Variants in SYNE1 observed in about 807,000 individuals in gnomAD.
SYNE1 encodes the protein spectrin repeat containing nuclear envelope protein 1.
A neutral mutation model predicts 1,111.0 loss-of-function variants in SYNE1; 616 were observed. The ratio of observed to expected loss-of-function variants is 0.55; its 90% CI spans 0.52 to 0.59. The LOEUF (loss-of-function observed/expected upper bound fraction) is 0.59, where lower values mean the gene tolerates loss of function less well. Among genes scored for constraint, SYNE1 ranks in the 20% least tolerant of loss-of-function variants. The pLI is 0.00. For missense variants in SYNE1, 10,006 were observed against 10,417.0 expected, an observed-to-expected ratio of 0.96 and a Z score of 1.72; for synonymous variants, 3,855 against 3,825.8, an observed-to-expected ratio of 1.01 and a Z score of -0.28.
intron 140 of SYNE1, among the ~76,000 whole-genome samples, chr6:152,138,425 C>T (rs530569257): frequency 5.1e-4 from 77 of 151,880 alleles, no homozygotes; most frequent in African/African-American, 1.6e-3. Context: ...GCAGGAGAAA[C>T]GCTTGAACAC....
At chr6:152,348,411 G>A (rs891408270) in intron 72 of SYNE1, among the ~76,000 whole-genome samples, 5 of 152,146 alleles carry the variant, frequency 3.3e-5, no homozygotes, top group Non-Finnish European at 5.9e-5. Flanking sequence ...CTGGCCAGAC[G>A]CGGTGGCTCA....
intron 3 of SYNE1, 26 bp downstream of exon 3, chr6:152,628,239 T>C: frequency 6.2e-7 from 1 of 1,613,650 alleles, no homozygotes; most frequent in Non-Finnish European, 8.5e-7. Flanking sequence ...TGAATTTTTT[T>C]AAAACCTGAA....
chr6:152,538,108 T>TAA (rs1217619469), intron 4 of SYNE1, among the ~76,000 whole-genome samples: 4 of 152,158 alleles, frequency 2.6e-5, no homozygotes, highest in African/African-American at 7.2e-5. Context: ...AAGGGTGTTT[T>TAA]AATAGTGCAA....
intron 101 of SYNE1, among the ~76,000 whole-genome samples, chr6:152,261,557 C>A (rs769040964): frequency 1.2e-4 from 18 of 152,140 alleles, no homozygotes; most frequent in Non-Finnish European, 2.4e-4. Context: ...CACTTCCCTG[C>A]CCTAGACCCA....
chr6:152,221,596 G>T (rs1478040504), intron 117 of SYNE1, 37 bp from the exon 118 acceptor site: 2 of 1,612,660 alleles, frequency 1.2e-6, no homozygotes, highest in Non-Finnish European at 1.7e-6. Context: ...GACATAACAG[G>T]ATCTAAATTC....
At chr6:152,518,139 A>G (rs2099121563) in intron 6 of SYNE1, among the ~76,000 whole-genome samples, 2 of 151,362 alleles carry the variant, frequency 1.3e-5, no homozygotes, top group African/African-American at 4.9e-5. Flanking sequence ...GTAATGCTAA[A>G]GACAAAAAGA....
At chr6:152,541,190 C>A (rs920224230) in intron 3 of SYNE1, among the ~76,000 whole-genome samples, 7 of 152,130 alleles carry the variant, frequency 4.6e-5, no homozygotes, top group African/African-American at 1.7e-4. Context: ...ACAGGAACAG[C>A]GTTGAATCTG....
At chr6:152,218,013 A>ATCCT (rs2079158891) in intron 121 of SYNE1, among the ~76,000 whole-genome samples, 1 of 152,004 alleles carries the variant, frequency 6.6e-6, no homozygotes, top group Non-Finnish European at 1.5e-5. Context: ...GTTCAAGACC[A>ATCCT]GTGAAACCTC....
In SYNE1 at chr6:152,284,194, C is replaced by T. The variant is rs540423459; in HGVS notation, c.18013-22G>A. On this transcript the variant is annotated intron_variant, in intron 95 of 145. Transcript: ENST00000367255. Reference sequence around the variant, plus strand: ...ATGCCTGGAGGAAAGACTGTGGAATCACACTCATGTATTCATTTCTTCACT... The same window carrying T: ...ATGCCTGGAGGAAAGACTGTGGAATTACACTCATGTATTCATTTCTTCACT... 63 of 1,613,076 alleles carry T rather than the reference C, an allele frequency of 3.9e-5. No individual in the cohort carries two copies. The South Asian group carries it at 6.7e-4, about 17-fold the overall frequency.
At chr6:152,636,070 A>G (rs956797376) in intron 2 of SYNE1, among the ~76,000 whole-genome samples, 2 of 152,202 alleles carry the variant, frequency 1.3e-5, no homozygotes, top group African/African-American at 4.8e-5. Flanking sequence ...TGTGAAACGT[A>G]TCTTTATAAA....
chr6:152,145,967 G>A (rs2059414658), intron 137 of SYNE1: 1 of 257,366 alleles, frequency 3.9e-6, no homozygotes, highest in Admixed American at 5.4e-5. Flanking sequence ...GGAGGTTGCA[G>A]TGAGCCGAGA....
chr6:152,372,251 G>A (rs546849935), intron 59 of SYNE1, among the ~76,000 whole-genome samples: 34 of 152,200 alleles, frequency 2.2e-4, no homozygotes, highest in African/African-American at 6.7e-4. Flanking sequence ...TGCTGGCCAC[G>A]AAAAAACAGT....
At chr6:152,627,610 T>TAGTGCTAC (rs1260526543) in intron 3 of SYNE1, among the ~76,000 whole-genome samples, 2 of 151,940 alleles carry the variant, frequency 1.3e-5, no homozygotes, top group Non-Finnish European at 2.9e-5. Context: ...TGAGCCGAGA[T>TAGTGCTAC]AGTGCTACTG....
At chr6:152,347,698 T>C (rs1304594061) in intron 72 of SYNE1, among the ~76,000 whole-genome samples, 1 of 150,958 alleles carries the variant, frequency 6.6e-6, no homozygotes, top group Non-Finnish European at 1.5e-5. Flanking sequence ...TTTTTTTTTT[T>C]AAGACAGAGT....
chr6:152,518,874 GAGA>G (rs2099125307), intron 6 of SYNE1, among the ~76,000 whole-genome samples: 1 of 151,054 alleles, frequency 6.6e-6, no homozygotes, highest in Admixed American at 6.6e-5. Flanking sequence ...AGAGAGAGAG[GAGA>G]GAGAGAGAAG....
At position 152,336,871 on chromosome 6, in the gene SYNE1, G is replaced by A. The variant is rs1476037003; in HGVS notation, c.12498C>T (p.Asn4166=). The change falls in exon 76 of 146, where the codon AAC becomes AAT. Residue 4166 remains asparagine, a synonymous_variant. Transcript: ENST00000367255. The part of the protein sequence containing the change: ...MKRRHSELEL[N]IAQNMVSQVK... ...CTTGTGAAACCATGTTCTGTGCAAT[G>A]TTCAGCTCCAGCTCAGAGTGCCTCC... is the stretch of plus-strand genomic sequence containing the variant. The A allele has an allele frequency of 1.2e-5, 20 of 1,613,984 alleles. No individual in the cohort carries two copies. Among genetic ancestry groups the A allele is most frequent in the Non-Finnish European group, 1.6e-5 (19 of 1,180,030 alleles).
At chr6:152,545,552 C>T (rs1471563000) in intron 3 of SYNE1, among the ~76,000 whole-genome samples, 6 of 152,042 alleles carry the variant, frequency 3.9e-5, no homozygotes. Flanking sequence ...TGCACTTCAG[C>T]CTGGGTGACA....
At chr6:152,462,952 C>A in intron 19 of SYNE1, 62 bp from the exon 20 acceptor site, 1 of 1,581,168 alleles carries the variant, frequency 6.3e-7, no homozygotes. Context: ...ACTGGAACCA[C>A]AACTTTCACT....
intron 39 of SYNE1, 146 bp downstream of exon 39, chr6:152,425,235 C>A: frequency 1.2e-6 from 1 of 842,146 alleles, no homozygotes; most frequent in Non-Finnish European, 1.8e-6. Flanking sequence ...CCTTGATTTT[C>A]AAAATAAAAG....
Sources: allele counts gnomAD v4.1 joint callset (sites outside exome capture counted in the v4.1 genomes callset), GRCh38; gene constraint gnomAD v4.1.1; transcripts MANE v1.5; gene names NCBI Gene and HGNC (gene_info 2026-07-23, HGNC 2026-07-21).